Variants in CDH4 observed in about 807,000 individuals in gnomAD.
CDH4 encodes the protein cadherin-4.
A neutral mutation model predicts 86.0 loss-of-function variants in CDH4; 33 were observed. The observed-to-expected ratio is 0.38, with a 90% CI of 0.29 to 0.51. CDH4 has a LOEUF of 0.51. CDH4 is among the 20% of genes least tolerant of loss of function. The pLI is 0.86. For missense variants in CDH4, 1,114 were observed against 1,307.4 expected (o/e 0.85, Z 2.28); for synonymous variants, 555 against 549.4 (o/e 1.01, Z -0.14).
At chr20:61,333,038 T>C (rs1469660669) in intron 2 of CDH4, among the ~76,000 whole-genome samples, 1 of 152,242 alleles carries the variant, frequency 6.6e-6, no homozygotes, top group Non-Finnish European at 1.5e-5. Flanking sequence ...TAAACACTTA[T>C]TTGTTTGTAA....
Position 61,829,457 on chromosome 20 carries a change from C to T in CDH4, c.577-15211C>T, listed in dbSNP as rs1054155394. Among the ~76,000 whole-genome samples, 1 of 152,170 alleles carries T rather than the reference C, an allele frequency of 6.6e-6. No homozygotes were observed. Among genetic ancestry groups the T allele is most frequent in the East Asian group, 1.9e-4 (1 of 5,192 alleles). ...GCTGTTGTCAGTGTGCTGCCGGGCA[C>T]GTCTGTGTGCAAGGCTTTCTGTGGA... On this transcript the variant is annotated intron_variant, in intron 4 of 15. Transcript: ENST00000614565. This position sits in a 1 kb window ranked among gnomAD's most constrained non-coding sequence, Gnocchi z 4.2.
intron 2 of CDH4, among the ~76,000 whole-genome samples, chr20:61,522,392 C>G (rs1307621913): frequency 1.3e-5 from 2 of 152,214 alleles, no homozygotes; most frequent in African/African-American, 4.8e-5. Context: ...AATAGCCACT[C>G]GTGACCTCGG....
intron 9 of CDH4, among the ~76,000 whole-genome samples, chr20:61,918,866 T>C (rs561249934): frequency 0.01 from 1,574 of 152,204 alleles, 32 homozygotes; most frequent in African/African-American, 0.036. Context: ...TCCAATACTA[T>C]TATTTAGGCA....
intron 2 of CDH4, among the ~76,000 whole-genome samples, chr20:61,327,014 C>T (rs1314952828): frequency 6.6e-6 from 1 of 152,156 alleles, no homozygotes; most frequent in African/African-American, 2.4e-5. Context: ...TTACCTCCAC[C>T]AGGCAAGATT....
chr20:61,833,359 A>G (rs374679291), intron 4 of CDH4, among the ~76,000 whole-genome samples: 81 of 152,260 alleles, frequency 5.3e-4, no homozygotes, highest in African/African-American at 1.9e-3. Flanking sequence ...TCATTCAATC[A>G]TCCACTCTGG....
At chr20:61,308,954 C>T (rs2084431342) in intron 2 of CDH4, among the ~76,000 whole-genome samples, 1 of 152,212 alleles carries the variant, frequency 6.6e-6, no homozygotes, top group South Asian at 2.1e-4. Context: ...GATGGGAAGT[C>T]CAGCAGAGGT....
intron 7 of CDH4, among the ~76,000 whole-genome samples, chr20:61,875,953 C>CACACCT (rs1984004442): frequency 6.6e-6 from 1 of 152,226 alleles, no homozygotes; most frequent in Non-Finnish European, 1.5e-5. Flanking sequence ...CACACACACA[C>CACACCT]ACACCTGTGA....
At chr20:61,617,054 C>A (rs1472866044) in intron 2 of CDH4, among the ~76,000 whole-genome samples, 2 of 152,166 alleles carry the variant, frequency 1.3e-5, no homozygotes, top group Admixed American at 6.5e-5. Flanking sequence ...CAGAAGAACA[C>A]CCACAAGTGA....
intron 3 of CDH4, among the ~76,000 whole-genome samples, chr20:61,760,346 A>G (rs1481407303): frequency 2.0e-5 from 3 of 152,238 alleles, no homozygotes; most frequent in African/African-American, 4.8e-5. Context: ...CTCAGAAGTC[A>G]TAGCCCAGGC....
chr20:61,835,095 T>G (rs1273853689), intron 4 of CDH4, among the ~76,000 whole-genome samples: 1 of 152,194 alleles, frequency 6.6e-6, no homozygotes, highest in Non-Finnish European at 1.5e-5. Flanking sequence ...TTGTTTTGTT[T>G]TAGAGAGATG....
intron 6 of CDH4, among the ~76,000 whole-genome samples, chr20:61,864,721 T>C (rs533972029): frequency 2.6e-5 from 4 of 152,282 alleles, no homozygotes; most frequent in African/African-American, 9.6e-5. Context: ...TGGCCCCAGC[T>C]TCCCGGGCAG....
chr20:61,292,310 T>G (rs1357548437), intron 2 of CDH4, among the ~76,000 whole-genome samples: 1 of 152,208 alleles, frequency 6.6e-6, no homozygotes, highest in Admixed American at 6.5e-5. Flanking sequence ...CCAGTTTCCT[T>G]TTCTGTAAGT....
chr20:61,661,470 C>CTTTTTT (rs11472090), intron 2 of CDH4, among the ~76,000 whole-genome samples: 1 of 115,114 alleles, frequency 8.7e-6, no homozygotes, highest in Non-Finnish European at 1.7e-5. Context: ...TGCTTTCTGA[C>CTTTTTT]TTTTTTTTTT....
At chr20:61,409,647 G>A (rs1215386860) in intron 2 of CDH4, among the ~76,000 whole-genome samples, 5 of 152,368 alleles carry the variant, frequency 3.3e-5, no homozygotes, top group Admixed American at 6.5e-5. Context: ...GAGCCGCTGC[G>A]TGTGACACAG....
At chr20:61,431,026 G>A (rs373282353) in intron 2 of CDH4, among the ~76,000 whole-genome samples, 1 of 152,178 alleles carries the variant, frequency 6.6e-6, no homozygotes, top group Non-Finnish European at 1.5e-5. Flanking sequence ...CATCAGCCTC[G>A]ATCCAGAGAC....
In CDH4 at chr20:61,876,142, A is replaced by G. The variant is rs1600729132; in HGVS notation, c.1050+2242A>G. ...CGGCTGTGTCCAAGGAGAGGACAGG[A>G]CAGCCGAGCAAGGGTCAGGCCTGTG... is the stretch of plus-strand genomic sequence containing the variant. On this transcript the variant is annotated intron_variant, in intron 7 of 15. Coordinates refer to ENST00000614565, the MANE Select transcript of CDH4 (RefSeq NM_001794.5). 2.0e-5 allele frequency among the ~76,000 whole-genome samples: 3 copies of G among 152,338 alleles called. No homozygotes were observed. In the Middle Eastern group the frequency reaches 0.01, roughly 518 times the overall value.
At chr20:61,621,506 A>G (rs959667692) in intron 2 of CDH4, among the ~76,000 whole-genome samples, 8 of 152,230 alleles carry the variant, frequency 5.3e-5, no homozygotes, top group Non-Finnish European at 8.8e-5. Flanking sequence ...CCATGCAGTC[A>G]ATCAGAGTAA....
chr20:61,773,092 C>T lies in CDH4; in HGVS notation c.486C>T (p.Asn162=). 1.2e-6 allele frequency: 2 copies of T among 1,613,180 alleles called. No individual in the cohort carries two copies. Among genetic ancestry groups the T allele is most frequent in the Non-Finnish European group, 1.7e-6 (2 of 1,179,818 alleles). Residue 162 remains asparagine, a synonymous_variant, in exon 4 of 16, where the codon AAC becomes AAT. Coordinates refer to ENST00000614565, the MANE Select transcript of CDH4 (RefSeq NM_001794.5). ...CGTGGCCCCAGCACCAGAACGCCAA[C>T]GGGCTGAGGCGGCGCAAACGGGACT... is the stretch of plus-strand genomic sequence containing the variant. The part of the protein sequence containing the change: ...LLPWPQHQNA[N]GLRRRKRDWV...
intron 2 of CDH4, among the ~76,000 whole-genome samples, chr20:61,499,734 G>A (rs1195482911): frequency 6.6e-6 from 1 of 152,162 alleles, no homozygotes; most frequent in African/African-American, 2.4e-5. Flanking sequence ...TCACCTCTGT[G>A]CTGAGCAGAC....
Sources: allele counts gnomAD v4.1 joint callset (sites outside exome capture counted in the v4.1 genomes callset), GRCh38; gene constraint gnomAD v4.1.1; non-coding constraint Gnocchi (gnomAD v3.1); transcripts MANE v1.5; gene names NCBI Gene and HGNC (gene_info 2026-07-23, HGNC 2026-07-21).